PSD3: variants seen among roughly 807,000 people sequenced by gnomAD.
The protein encoded by PSD3 is pleckstrin and Sec7 domain containing 3, also known as PH and SEC7 domain-containing protein 3.
In PSD3, 49 loss-of-function variants were observed where a neutral mutation model predicts 105.5. The observed-to-expected ratio is 0.46, with a 90% CI of 0.37 to 0.59. The LOEUF (loss-of-function observed/expected upper bound fraction) is 0.59. Ranked by LOEUF, PSD3 falls within the 20% of genes least tolerant of loss-of-function variation. The pLI is 0.00. For synonymous variants in PSD3, 557 were observed against 457.8 expected (o/e 1.22, Z -2.77); for missense variants, 1,561 against 1,263.8 (o/e 1.24, Z -3.57).
At chr8:18,793,519 A>C (rs554133125) in intron 8 of PSD3, among the ~76,000 whole-genome samples, 1 of 152,234 alleles carries the variant, frequency 6.6e-6, no homozygotes, top group Admixed American at 6.5e-5. Flanking sequence ...TGCAAATAAT[A>C]ATTTAGGAAA....
intron 10 of PSD3, among the ~76,000 whole-genome samples, chr8:18,648,437 G>C (rs935246252): frequency 4.6e-5 from 7 of 152,222 alleles, no homozygotes; most frequent in African/African-American, 7.2e-5. Context: ...TTGAACTTGA[G>C]AGTGATGATT....
intron 1 of PSD3, among the ~76,000 whole-genome samples, chr8:18,965,049 G>A (rs551925507): frequency 1.6e-4 from 24 of 152,088 alleles, no homozygotes; most frequent in East Asian, 1.2e-3. Context: ...TTTTAAATGC[G>A]GCTAACTCAT....
chr8:18,615,445 C>T (rs1805589011), intron 11 of PSD3, among the ~76,000 whole-genome samples: 1 of 152,098 alleles, frequency 6.6e-6, no homozygotes, highest in African/African-American at 2.4e-5. Flanking sequence ...TATGCGCTCA[C>T]CATTGTTCCA....
intron 1 of PSD3, among the ~76,000 whole-genome samples, chr8:19,048,824 C>G (rs1197071910): frequency 6.6e-6 from 1 of 152,220 alleles, no homozygotes. Context: ...GCTGCCATAA[C>G]AAAACACCAC....
intron 9 of PSD3, among the ~76,000 whole-genome samples, chr8:18,675,919 G>A (rs1361644192): frequency 2.0e-5 from 3 of 152,016 alleles, no homozygotes; most frequent in Admixed American, 1.3e-4. Context: ...TAAGCTGGAC[G>A]CAATCCCTAA....
intron 15 of PSD3, among the ~76,000 whole-genome samples, chr8:18,540,987 C>T (rs1800120045): frequency 6.6e-6 from 1 of 151,882 alleles, no homozygotes; most frequent in African/African-American, 2.4e-5. Flanking sequence ...TTCCAAAAGC[C>T]CACAGGACTT....
intron 8 of PSD3, among the ~76,000 whole-genome samples, chr8:18,771,061 G>C (rs1807477114): frequency 6.6e-6 from 1 of 152,222 alleles, no homozygotes; most frequent in South Asian, 2.1e-4. Context: ...CTGTCCCTCT[G>C]AAGTCAAGCC....
intron 12 of PSD3, among the ~76,000 whole-genome samples, chr8:18,584,994 T>G (rs866904409): frequency 6.6e-6 from 1 of 152,156 alleles, no homozygotes; most frequent in South Asian, 2.1e-4. Flanking sequence ...TCATGTCATA[T>G]ATATAATTAA....
chr8:18,636,334 A>C (rs1241642247), intron 10 of PSD3, among the ~76,000 whole-genome samples: 1 of 152,250 alleles, frequency 6.6e-6, no homozygotes, highest in Non-Finnish European at 1.5e-5. Flanking sequence ...GAAAACACTT[A>C]TAAAATAAGG....
intron 11 of PSD3, among the ~76,000 whole-genome samples, chr8:18,608,749 T>C (rs1279494843): frequency 6.6e-6 from 1 of 152,130 alleles, no homozygotes; most frequent in Non-Finnish European, 1.5e-5. Context: ...TAACGAGTAA[T>C]AATGGATTTA....
intron 9 of PSD3, among the ~76,000 whole-genome samples, chr8:18,748,720 A>G (rs1456019406): frequency 6.6e-6 from 1 of 151,668 alleles, no homozygotes; most frequent in Non-Finnish European, 1.5e-5. Flanking sequence ...AAAATCAGTT[A>G]TAATACGGCA....
In PSD3 at chr8:18,778,102, C is replaced by G. The variant is rs558995144; in HGVS notation, c.2083-12564G>C. On this transcript the variant is annotated intron_variant, in intron 8 of 15. Coordinates refer to ENST00000327040, the MANE Select transcript of PSD3 (RefSeq NM_015310.4). The stretch of plus-strand genomic sequence containing the variant: ...ATCAAGAATAGTACTGTAGTAAGTA[C>G]AGGGATGCCCTATAACTCTGACATT... Among the ~76,000 whole-genome samples, 102 of 152,128 alleles carry G rather than the reference C, an allele frequency of 6.7e-4. 1 individual carries two copies. The highest frequency in any genetic ancestry group is 7.6e-4 in the Non-Finnish European group (52 of 68,010).
At chr8:19,060,849 C>T (rs1371715530) in intron 1 of PSD3, among the ~76,000 whole-genome samples, 2 of 152,174 alleles carry the variant, frequency 1.3e-5, no homozygotes, top group East Asian at 3.8e-4. Flanking sequence ...CATGCAAGGG[C>T]ACGAGCTTTA....
intron 8 of PSD3, among the ~76,000 whole-genome samples, chr8:18,766,291 A>G (rs1278930130): frequency 1.3e-5 from 2 of 152,088 alleles, no homozygotes; most frequent in African/African-American, 4.8e-5. Flanking sequence ...TCGAGACTGC[A>G]CTACTACACT....
At chr8:18,560,109 C>T (rs12334635) in intron 14 of PSD3, among the ~76,000 whole-genome samples, 2,213 of 151,832 alleles carry the variant, frequency 0.015, 53 homozygotes, top group African/African-American at 0.051. Flanking sequence ...GTGGCTCTTA[C>T]GGACACAGCT....
At position 19,079,890 on chromosome 8, in the gene PSD3, G is replaced by GCT. The variant is rs1554579452; in HGVS notation, c.324+4314_324+4315dup. On this transcript the variant is annotated intron_variant, in intron 1 of 1. Coordinates refer to the PSD3 transcript ENST00000521475. ...AGATAAGCTGAGATAGAAGAAAATA[G>GCT]CTTTTTTTTTTTTTTTTGAGACAGA... Among the ~76,000 whole-genome samples the GCT allele has an allele frequency of 7.1e-5, 9 of 127,222 alleles. No individual in the cohort carries two copies. In the East Asian group the frequency reaches 1.9e-3, roughly 27 times the overall value. The allele number at this position is 127,222 out of a possible 152,430, so 83.5% of individuals were successfully genotyped here. A position where few individuals can be genotyped will look rare whatever the true frequency, so the allele number is the denominator to read the frequency against.
intron 10 of PSD3, among the ~76,000 whole-genome samples, chr8:18,633,271 G>A (rs981832815): frequency 8.5e-5 from 13 of 152,068 alleles, no homozygotes; most frequent in African/African-American, 2.7e-4. Flanking sequence ...AAGTGTTAGA[G>A]TCAGTCCAAT....
At chr8:18,565,694 A>C (rs906169122) in intron 14 of PSD3, among the ~76,000 whole-genome samples, 1 of 152,176 alleles carries the variant, frequency 6.6e-6, no homozygotes, top group East Asian at 1.9e-4. Context: ...TATCCAAAAA[A>C]TTGTGGCATT....
chr8:18,858,855 C>T (rs1391294951), intron 4 of PSD3, among the ~76,000 whole-genome samples: 1 of 152,190 alleles, frequency 6.6e-6, no homozygotes, highest in East Asian at 1.9e-4. Context: ...TCAAACCACT[C>T]AGCCACTCAT....
Sources: gnomAD v4.1 joint callset for allele counts (sites outside exome capture counted in the v4.1 genomes callset) on GRCh38, gnomAD v4.1.1 for gene constraint, MANE v1.5 for transcripts, NCBI Gene and HGNC (gene_info 2026-07-23, HGNC 2026-07-21) for gene names.